IRF2: variants seen among roughly 807,000 people sequenced by gnomAD.
The protein encoded by IRF2 is interferon regulatory factor 2.
In IRF2, 15 loss-of-function variants were observed where a neutral mutation model predicts 40.6. That is an observed-to-expected ratio of 0.37 (90% CI 0.25 to 0.57). The LOEUF (loss-of-function observed/expected upper bound fraction) is 0.57, where lower values mean the gene tolerates loss of function less well. IRF2 is among the 20% of genes least tolerant of loss of function. The probability of loss-of-function intolerance (pLI) is 0.77; values close to 1 mark genes in which losing one functional copy is unlikely to be tolerated. For synonymous variants in IRF2, 151 were observed against 165.5 expected (o/e 0.91, Z 0.67); for missense variants, 317 against 455.7 (o/e 0.70, Z 2.77).
chr4:184,403,881 A>C (rs1456848358), intron 6 of IRF2, among the ~76,000 whole-genome samples: 1 of 152,224 alleles, frequency 6.6e-6, no homozygotes. Flanking sequence ...CCAGTTTATT[A>C]AAGTCAGCAC....
intron 6 of IRF2, among the ~76,000 whole-genome samples, chr4:184,400,491 T>A (rs896147976): frequency 2.0e-5 from 3 of 152,220 alleles, no homozygotes; most frequent in Admixed American, 6.5e-5. Flanking sequence ...GCTACAAGCC[T>A]TTGACTATTA....
At chr4:184,404,909 G>C (rs1736796325) in intron 6 of IRF2, among the ~76,000 whole-genome samples, 1 of 152,178 alleles carries the variant, frequency 6.6e-6, no homozygotes, top group South Asian at 2.1e-4. Flanking sequence ...CAGCATCTCA[G>C]GCTACTACAC....
rs1736942053 is a variant in IRF2 at position 184,408,406 on chromosome 4, C to A, written c.412-131G>T. On this transcript the variant is annotated intron_variant, in intron 5 of 8. Transcript: ENST00000393593. This position sits in a 1 kb window ranked among gnomAD's most constrained non-coding sequence, Gnocchi z 4.9. ...ATGTTCAGCTGCCGAATACATTCAT[C>A]CCCTGCTTCTTTAAACTGGCCTGTT... 1.5e-6 allele frequency: 1 copy of A among 682,810 alleles called. No homozygotes were observed. The highest frequency in any genetic ancestry group is 2.6e-6 in the Non-Finnish European group (1 of 383,156). The allele number at this position is 682,810 out of a possible 1,614,324, so 42.3% of individuals were successfully genotyped here.
At chr4:184,463,943 A>G (rs1268686408) in intron 1 of IRF2, among the ~76,000 whole-genome samples, 2 of 152,196 alleles carry the variant, frequency 1.3e-5, no homozygotes, top group African/African-American at 4.8e-5. Context: ...CTCCTATAAA[A>G]TGCCTTCACC....
chr4:184,412,982 C>A (rs1309697212), intron 5 of IRF2, among the ~76,000 whole-genome samples: 1 of 152,196 alleles, frequency 6.6e-6, no homozygotes, highest in Non-Finnish European at 1.5e-5. Flanking sequence ...TCTGTCACTT[C>A]AAAGGCAGCA....
At chr4:184,440,436 T>C (rs950647498) in intron 1 of IRF2, among the ~76,000 whole-genome samples, 1 of 152,244 alleles carries the variant, frequency 6.6e-6, no homozygotes, top group East Asian at 1.9e-4. Context: ...AACGTTAACA[T>C]GGGATTCCAG....
rs568874756 is a variant in IRF2 at position 184,397,480 on chromosome 4, G to A, written c.694+1435C>T. On this transcript the variant is annotated intron_variant, in intron 7 of 8. Coordinates refer to ENST00000393593, the MANE Select transcript of IRF2 (RefSeq NM_002199.4). Reference sequence around the variant, plus strand: ...CTACTAAACTGTGTACCTAAAAATGGCTAAAATGGTAAATTTTATGTTAAT... The same window carrying A: ...CTACTAAACTGTGTACCTAAAAATGACTAAAATGGTAAATTTTATGTTAAT... Among the ~76,000 whole-genome samples, 37 of 152,162 alleles carry A rather than the reference G, an allele frequency of 2.4e-4. No individual in the cohort carries two copies. In the South Asian group the frequency reaches 7.5e-3, roughly 31 times the overall value.
Position 184,391,058 on chromosome 4 carries a change from C to T in IRF2, c.695-309G>A, listed in dbSNP as rs1175303176. Reference sequence around the variant, plus strand: ...TCACTGCAGCTCTGTCCACAATGCCCACATGGGTCCTGTCTTTCAATCCAT... The same window carrying T: ...TCACTGCAGCTCTGTCCACAATGCCTACATGGGTCCTGTCTTTCAATCCAT... On this transcript the variant is annotated intron_variant, in intron 7 of 8. Coordinates refer to ENST00000393593, the MANE Select transcript of IRF2 (RefSeq NM_002199.4). 4.6e-5 allele frequency among the ~76,000 whole-genome samples: 7 copies of T among 152,244 alleles called. No homozygotes were observed. In the East Asian group the frequency reaches 1.3e-3, roughly 29 times the overall value.
chr4:184,428,915 G>T, intron 2 of IRF2, 63 bp downstream of exon 2: 1 of 1,286,614 alleles, frequency 7.8e-7, no homozygotes, highest in Non-Finnish European at 1.1e-6. Flanking sequence ...ACTTTCAGCA[G>T]TCCGCATGGG....
At chr4:184,418,255 G>A in intron 4 of IRF2, 42 bp from the exon 5 acceptor site, 1 of 1,432,236 alleles carries the variant, frequency 7.0e-7, no homozygotes, top group Non-Finnish European at 9.9e-7. Context: ...TTCACGAAGG[G>A]CCTCCAGAGA....
intron 1 of IRF2, among the ~76,000 whole-genome samples, chr4:184,433,165 C>T (rs139499710): frequency 1.3e-5 from 2 of 152,284 alleles, no homozygotes; most frequent in African/African-American, 4.8e-5. Flanking sequence ...GTTTGGCCAA[C>T]GTAAAGGGAA....
chr4:184,466,926 C>A (rs547463170), intron 1 of IRF2, among the ~76,000 whole-genome samples: 32 of 152,264 alleles, frequency 2.1e-4, no homozygotes, highest in Non-Finnish European at 4.7e-4. Flanking sequence ...CTAAACATAG[C>A]AAAAGGTAAA....
At chr4:184,396,514 G>A (rs1170229591) in intron 7 of IRF2, among the ~76,000 whole-genome samples, 1 of 150,804 alleles carries the variant, frequency 6.6e-6, no homozygotes, top group Admixed American at 6.6e-5. Flanking sequence ...GCTCAATGAA[G>A]CCTTGAACTC....
At chr4:184,471,747 G>C (rs1739521031) in intron 1 of IRF2, among the ~76,000 whole-genome samples, 1 of 152,196 alleles carries the variant, frequency 6.6e-6, no homozygotes, top group African/African-American at 2.4e-5. Context: ...TTCAGAAAGT[G>C]GGATAAAAGT....
chr4:184,454,202 C>T (rs1456334625), intron 1 of IRF2, among the ~76,000 whole-genome samples: 1 of 152,206 alleles, frequency 6.6e-6, no homozygotes, highest in Non-Finnish European at 1.5e-5. Flanking sequence ...CTTGCTGCCA[C>T]TTTTCCTTTG....
At chr4:184,463,409 G>A (rs1029708235) in intron 1 of IRF2, among the ~76,000 whole-genome samples, 9 of 152,192 alleles carry the variant, frequency 5.9e-5, no homozygotes, top group South Asian at 2.1e-4. Flanking sequence ...GAATTAAGAC[G>A]TGCTATAGGT....
intron 1 of IRF2, among the ~76,000 whole-genome samples, chr4:184,461,551 G>A (rs549087650): frequency 1.1e-4 from 17 of 152,192 alleles, no homozygotes; most frequent in African/African-American, 3.6e-4. Flanking sequence ...ACCTCAAATC[G>A]AAGATAATTT....
At chr4:184,411,206 TGCCACCATGCCGG>T (rs1363075219) in intron 5 of IRF2, among the ~76,000 whole-genome samples, 2 of 152,014 alleles carry the variant, frequency 1.3e-5, no homozygotes, top group Non-Finnish European at 1.5e-5. Context: ...TACAGGTGCC[TGCCACCATGCCGG>T]GCTAATTTTT....
chr4:184,439,977 T>A (rs1411666171), intron 1 of IRF2, among the ~76,000 whole-genome samples: 1 of 152,198 alleles, frequency 6.6e-6, no homozygotes, highest in Non-Finnish European at 1.5e-5. Flanking sequence ...GCCTTAAAAA[T>A]ACATGCAGTG....
Sources: allele counts gnomAD v4.1 joint callset (sites outside exome capture counted in the v4.1 genomes callset), GRCh38; gene constraint gnomAD v4.1.1; non-coding constraint Gnocchi (gnomAD v3.1); transcripts MANE v1.5; gene names NCBI Gene and HGNC (gene_info 2026-07-23, HGNC 2026-07-21).